Variants in GRTP1 observed in about 807,000 individuals in gnomAD.
GRTP1 encodes the protein growth hormone regulated TBC protein 1.
Under a neutral mutation model 38.1 loss-of-function variants are expected in GRTP1, and 56 were observed. That is an observed-to-expected ratio of 1.47 (90% CI 1.19 to 1.84). GRTP1 has a LOEUF of 1.84. GRTP1 is among the 40% of genes most tolerant of loss of function. GRTP1 has a pLI of 0.00. For synonymous variants in GRTP1, 217 were observed against 189.5 expected (o/e 1.14, Z -1.19); for missense variants, 506 against 453.9 (o/e 1.11, Z -1.04).
chr13:113,361,459 A>G (rs2139546881), intron 2 of GRTP1: 1 of 152,382 alleles, frequency 6.6e-6, no homozygotes, highest in Non-Finnish European at 1.5e-5. Context: ...AAGGACAGCA[A>G]TAGGACAGAC....
intron 5 of GRTP1, among the ~76,000 whole-genome samples, chr13:113,329,416 A>T (rs1193174917): frequency 2.0e-5 from 3 of 152,042 alleles, no homozygotes; most frequent in Non-Finnish European, 4.4e-5. Context: ...CATCTCTACT[A>T]AAAATACAAA....
chr13:113,364,146 G>T, upstream of GRTP1: 1 of 866,562 alleles, frequency 1.2e-6, no homozygotes, highest in Non-Finnish European at 1.4e-6. Context: ...GACCGCGGGC[G>T]CGTGGGGGCG....
intron 5 of GRTP1, among the ~76,000 whole-genome samples, chr13:113,327,494 A>G (rs568381862): frequency 4.6e-5 from 7 of 152,326 alleles, no homozygotes; most frequent in Non-Finnish European, 4.4e-5. Context: ...TGTTAATTCA[A>G]TATCTTGGTT....
Position 113,346,199 on chromosome 13 carries a change from CAGACCCGGGA to C in GRTP1, c.466-1250_466-1241del, listed in dbSNP as rs1566429551. ...CCGGGAGGACCTCTGTGGCTGAGAG[CAGACCCGGGA>C]GGACCTCTGTGGCTGAGAACAGACC... On this transcript the variant is annotated intron_variant, in intron 4 of 7. Transcript: ENST00000375431. 4.4e-4 allele frequency among the ~76,000 whole-genome samples: 37 copies of C among 83,316 alleles called. 1 individual carries two copies. Among genetic ancestry groups the C allele is most frequent in the East Asian group, 6.9e-4 (1 of 1,442 alleles). The allele number at this position is 83,316 out of a possible 152,430, so 54.7% of individuals were successfully genotyped here.
chr13:113,333,838 A>ATTTTGT (rs749095615), intron 5 of GRTP1, among the ~76,000 whole-genome samples: 2 of 23,546 alleles, frequency 8.5e-5, no homozygotes, highest in African/African-American at 1.4e-4. Context: ...TTATTTATTT[A>ATTTTGT]GTGTGTGTGT....
rs968333278 is a variant in GRTP1, at chr13:113,342,276, C to T, written c.562+2587G>A. On this transcript the variant is annotated intron_variant, in intron 5 of 7. Transcript: ENST00000375431. The surrounding 1 kb of genome is among the most constrained non-coding windows in gnomAD (Gnocchi z 4.5). ...AAAAAGTACTGTTGGGAGGCCGAGG[C>T]AGGCGGATCACGAGGTCAGGAGATC... 8.5e-5 allele frequency among the ~76,000 whole-genome samples: 13 copies of T among 152,076 alleles called. No homozygotes were observed. Among genetic ancestry groups the T allele is most frequent in the Non-Finnish European group, 1.6e-4 (11 of 68,026 alleles).
In GRTP1 at chr13:113,346,133, C is replaced by T. The variant is rs1290690790; in HGVS notation, c.466-1174G>A. Among the ~76,000 whole-genome samples the T allele has an allele frequency of 2.3e-3, 100 of 43,452 alleles. 17 individuals are homozygous for T. The highest frequency in any genetic ancestry group is 2.9e-3 in the Non-Finnish European group (65 of 22,752). The allele number at this position is 43,452 out of a possible 152,430, so 28.5% of individuals were successfully genotyped here. A position where few individuals can be genotyped will look rare whatever the true frequency, so the allele number is the denominator to read the frequency against. Reference sequence around the variant, plus strand: ...ACAGACCCGGGAGGACCTCTGTGGACAAGAGCAGACCCGGGAGGACCTCTG... The same window carrying T: ...ACAGACCCGGGAGGACCTCTGTGGATAAGAGCAGACCCGGGAGGACCTCTG... On this transcript the variant is annotated intron_variant, in intron 4 of 7. Coordinates refer to ENST00000375431, the MANE Select transcript of GRTP1 (RefSeq NM_024719.4).
chr13:113,325,380 A>C, intron 7 of GRTP1: 1 of 1,428,876 alleles, frequency 7.0e-7, no homozygotes, highest in Non-Finnish European at 9.1e-7. Flanking sequence ...GGCCTCGGGA[A>C]GCCACACTTC....
At chr13:113,331,235 C>T (rs947536774) in intron 5 of GRTP1, among the ~76,000 whole-genome samples, 3 of 152,190 alleles carry the variant, frequency 2.0e-5, no homozygotes, top group African/African-American at 7.2e-5. Context: ...AGGAGGAATC[C>T]ACCTCTTCCC....
Position 113,343,602 on chromosome 13 carries a change from G to A in GRTP1, c.562+1261C>T, listed in dbSNP as rs2043056452. Among the ~76,000 whole-genome samples, 1 of 152,190 alleles carries A rather than the reference G, an allele frequency of 6.6e-6. No homozygotes were observed. Among genetic ancestry groups the A allele is most frequent in the Non-Finnish European group, 1.5e-5 (1 of 68,036 alleles). ...CTCTGCCATGTACAGCGGTGGTCAG[G>A]CCAGCACGCAAATTCTCCCGGCCTT... On this transcript the variant is annotated intron_variant, in intron 5 of 7. Transcript: ENST00000375431. The surrounding 1 kb of genome is among the most constrained non-coding windows in gnomAD (Gnocchi z 4.8).
intron 7 of GRTP1, 21 bp downstream of exon 7, chr13:113,325,640 G>A: frequency 1.2e-6 from 2 of 1,607,464 alleles, no homozygotes; most frequent in Non-Finnish European, 1.7e-6. Flanking sequence ...AGGGGACTGA[G>A]CCACGTGCAG....
At chr13:113,359,310 C>T (rs2043451688) in intron 2 of GRTP1, among the ~76,000 whole-genome samples, 1 of 152,190 alleles carries the variant, frequency 6.6e-6, no homozygotes, top group African/African-American at 2.4e-5. Flanking sequence ...TGTCCAAATT[C>T]ACAGAACCAT....
chr13:113,329,402 A>C (rs1487650390), intron 5 of GRTP1, among the ~76,000 whole-genome samples: 1 of 152,092 alleles, frequency 6.6e-6, no homozygotes, highest in African/African-American at 2.4e-5. Context: ...ACATGGTGAA[A>C]ACCCATCTCT....
At chr13:113,357,896 C>T (rs545414936) in intron 2 of GRTP1, among the ~76,000 whole-genome samples, 3 of 152,148 alleles carry the variant, frequency 2.0e-5, no homozygotes, top group South Asian at 2.1e-4. Flanking sequence ...TTTAAAACTG[C>T]GGCCTGGCGT....
intron 7 of GRTP1, chr13:113,324,830 T>G (rs1164667604): frequency 2.3e-5 from 5 of 214,942 alleles, no homozygotes; most frequent in Admixed American, 1.6e-4. Context: ...TCCATTAGAC[T>G]TTTTTTTTTT....
chr13:113,344,926 T>C lies in GRTP1; in HGVS notation c.499A>G (p.Ile167Val), dbSNP rs2043078736. ...MNFIAGYLIL[I>V]TNNEEESFWL... Reference sequence around the variant, plus strand: ...AAAGATTCTTCTTCATTATTTGTTATAAGAATCAGATATCCTGCTATAAAA... The same window carrying C: ...AAAGATTCTTCTTCATTATTTGTTACAAGAATCAGATATCCTGCTATAAAA... The change falls in exon 5 of 8, where the codon ATA (isoleucine) becomes GTA (valine). Residue 167 changes from isoleucine (I) to valine (V), a missense_variant. Transcript: ENST00000375431. 1.9e-6 allele frequency: 3 copies of C among 1,600,490 alleles called. No individual in the cohort carries two copies. Among genetic ancestry groups the C allele is most frequent in the South Asian group, 1.1e-5 (1 of 88,252 alleles).
intron 2 of GRTP1, among the ~76,000 whole-genome samples, chr13:113,357,248 C>G (rs956357113): frequency 1.1e-4 from 16 of 151,602 alleles, no homozygotes; most frequent in African/African-American, 3.9e-4. Flanking sequence ...AGATCGAGAC[C>G]AGCCTGGCCA....
chr13:113,340,834 C>G (rs939482873), intron 5 of GRTP1, among the ~76,000 whole-genome samples: 2 of 152,028 alleles, frequency 1.3e-5, no homozygotes, highest in African/African-American at 4.8e-5. Context: ...GCAGGAGTTA[C>G]CTGTTCCTTC....
chr13:113,355,436 C>T lies in GRTP1; in HGVS notation c.227G>A (p.Arg76His), dbSNP rs2043367402. 1.2e-6 allele frequency: 2 copies of T among 1,613,934 alleles called. No homozygotes were observed. Among genetic ancestry groups the T allele is most frequent in the South Asian group, 1.1e-5 (1 of 91,078 alleles). The change falls in exon 3 of 8, where the codon CGC becomes CAC. Residue 76 changes from arginine (R) to histidine (H), a missense_variant. Transcript: ENST00000375431. ...RKGVPLEHRA[R>H]VWMVLSGAQA... The stretch of plus-strand genomic sequence containing the variant: ...GGCCCCACTCAGCACCATCCAGACG[C>T]GGGCACGGTGCTCCAGCGGGACCCC...
Sources: gnomAD v4.1 joint callset for allele counts (sites outside exome capture counted in the v4.1 genomes callset) on GRCh38, gnomAD v4.1.1 for gene constraint, Gnocchi (gnomAD v3.1) non-coding constraint, MANE v1.5 for transcripts, NCBI Gene and HGNC (gene_info 2026-07-23, HGNC 2026-07-21) for gene names.